ZNF732: variants seen among roughly 807,000 people sequenced by gnomAD.
ZNF732 encodes zinc finger protein LOC654254.
ZNF732 carries 12 observed loss-of-function variants against 11.5 expected under a neutral mutation model. The ratio of observed to expected loss-of-function variants is 1.05; its 90% CI spans 0.67 to 1.70. The LOEUF is 1.70. ZNF732 is among the 40% of genes most tolerant of loss of function. ZNF732 has a pLI of 0.00. For synonymous variants in ZNF732, 231 were observed against 236.5 expected (o/e 0.98, Z 0.21); for missense variants, 702 against 676.9 (o/e 1.04, Z -0.41).
chr4:295,079 G>C (rs557498581), intron 3 of ZNF732, among the ~76,000 whole-genome samples: 2 of 151,958 alleles, frequency 1.3e-5, no homozygotes, highest in Non-Finnish European at 2.9e-5. Context: ...TTTTAGACAT[G>C]TACAAAAAGA....
At chr4:295,322 T>G in intron 3 of ZNF732, 116 bp downstream of exon 3, 1 of 782,734 alleles carries the variant, frequency 1.3e-6, no homozygotes, top group East Asian at 2.8e-5. Context: ...AAATGCAGCC[T>G]TTTCAGAAAT....
At chr4:293,487 C>A (rs1300336160) in intron 3 of ZNF732, among the ~76,000 whole-genome samples, 1 of 151,834 alleles carries the variant, frequency 6.6e-6, no homozygotes, top group Admixed American at 6.6e-5. Flanking sequence ...AAAATGTCAA[C>A]TCATAAAAGC....
intron 1 of ZNF732, among the ~76,000 whole-genome samples, chr4:303,906 G>A (rs1720171816): frequency 1.3e-5 from 2 of 152,190 alleles, no homozygotes; most frequent in South Asian, 4.1e-4. Flanking sequence ...GACAGGGCAG[G>A]ACTGACTAAA....
At chr4:297,275 A>C (rs1581546620) in intron 1 of ZNF732, among the ~76,000 whole-genome samples, 1 of 150,180 alleles carries the variant, frequency 6.7e-6, no homozygotes, top group Non-Finnish European at 1.5e-5. Flanking sequence ...AAAAAAAAAA[A>C]AAACAACAAA....
chr4:271,056 G>C lies in ZNF732; in HGVS notation c.*43C>G. 2 of 1,404,622 alleles carry C rather than the reference G, an allele frequency of 1.4e-6. No homozygotes were observed. Among genetic ancestry groups the C allele is most frequent in the Non-Finnish European group, 9.6e-7 (1 of 1,045,736 alleles). The allele number at this position is 1,404,622 out of a possible 1,614,324, so 87.0% of individuals were successfully genotyped here. ...GTATAAATTTTCTTATGTTCATTCA[G>C]GTTTGTGGATCATCCAAAGGCTTTG... On this transcript the variant is annotated 3_prime_UTR_variant, in exon 4 of 4. Coordinates refer to ENST00000419098, the MANE Select transcript of ZNF732 (RefSeq NM_001137608.3).
At chr4:277,779 C>T (rs1719529489) in intron 3 of ZNF732, among the ~76,000 whole-genome samples, 1 of 151,292 alleles carries the variant, frequency 6.6e-6, no homozygotes, top group African/African-American at 2.4e-5. Flanking sequence ...CATGAACTAC[C>T]ACACACACAC....
intron 1 of ZNF732, among the ~76,000 whole-genome samples, chr4:299,366 T>C (rs1056162503): frequency 6.8e-5 from 7 of 102,780 alleles, no homozygotes; most frequent in Admixed American, 3.6e-4. Flanking sequence ...TATATACACA[T>C]ATGTGTATAT....
chr4:299,886 TAG>T (rs1278442433), intron 1 of ZNF732, among the ~76,000 whole-genome samples: 3 of 141,296 alleles, frequency 2.1e-5, no homozygotes, highest in Non-Finnish European at 4.6e-5. Context: ...TTTTTTTAAG[TAG>T]AGACGGGGTT....
At chr4:292,548 ACT>A (rs1719859791) in intron 3 of ZNF732, among the ~76,000 whole-genome samples, 1 of 140,656 alleles carries the variant, frequency 7.1e-6, no homozygotes, top group East Asian at 2.0e-4. Flanking sequence ...CAAGAGCAAA[ACT>A]CTGTCTCAAA....
chr4:288,270 TTAAG>T (rs1719772199), intron 3 of ZNF732, among the ~76,000 whole-genome samples: 1 of 152,234 alleles, frequency 6.6e-6, no homozygotes, highest in African/African-American at 2.4e-5. Context: ...TTCTGTGGTT[TTAAG>T]TTTGTTGCTC....
rs1719356488 is a variant in ZNF732 at position 271,426 on chromosome 4, T to C, written c.1431A>G (p.Glu477=). 1.9e-6 allele frequency: 3 copies of C among 1,603,122 alleles called. No homozygotes were observed. Among genetic ancestry groups the C allele is most frequent in the Non-Finnish European group, 2.6e-6 (3 of 1,174,492 alleles). ...IHTGEKPYRC[E]ECGKAFLCSR... ...AACATAAAAAGGCTTTGCCACACTC[T>C]TCACATCTATAAGGTTTCTCTCCAG... The change falls in exon 4 of 4, where the codon GAA becomes GAG. Residue 477 remains glutamate (E), a synonymous_variant. Coordinates refer to ENST00000419098, the MANE Select transcript of ZNF732 (RefSeq NM_001137608.3).
At chr4:277,231 G>A (rs1262864287) in intron 3 of ZNF732, among the ~76,000 whole-genome samples, 1 of 151,914 alleles carries the variant, frequency 6.6e-6, no homozygotes, top group East Asian at 1.9e-4. Context: ...ACATAGTACA[G>A]AGAAAAGAAT....
intron 3 of ZNF732, among the ~76,000 whole-genome samples, chr4:276,090 CAAATCACA>C (rs1719489326): frequency 6.6e-6 from 1 of 151,532 alleles, no homozygotes; most frequent in African/African-American, 2.4e-5. Flanking sequence ...AAATTATCTT[CAAATCACA>C]AAAGTGTTAC....
chr4:275,155 CA>C (rs1294213743), intron 3 of ZNF732, among the ~76,000 whole-genome samples: 3 of 150,968 alleles, frequency 2.0e-5, no homozygotes, highest in East Asian at 1.9e-4. Flanking sequence ...TGTCAGGGCA[CA>C]AAAAAAGTCT....
chr4:305,113 T>A (rs561611652), intron 1 of ZNF732, among the ~76,000 whole-genome samples, 195 bp downstream of exon 1: 10 of 152,084 alleles, frequency 6.6e-5, no homozygotes, highest in African/African-American at 9.7e-5. Context: ...GCTGCACAAG[T>A]AGGGCTGCAG....
At chr4:301,139 G>A (rs1720109557) in intron 1 of ZNF732, among the ~76,000 whole-genome samples, 1 of 152,188 alleles carries the variant, frequency 6.6e-6, no homozygotes, top group South Asian at 2.1e-4. Context: ...CTGGCCATCA[G>A]AGAAAATGCA....
At chr4:305,169 C>G in intron 1 of ZNF732, 139 bp downstream of exon 1, 1 of 1,214,648 alleles carries the variant, frequency 8.2e-7, no homozygotes, top group Non-Finnish European at 1.1e-6. Flanking sequence ...ACCCGGGTCC[C>G]TCACCGGAAG....
At chr4:304,593 G>T (rs1048239873) in intron 1 of ZNF732, among the ~76,000 whole-genome samples, 3 of 151,910 alleles carry the variant, frequency 2.0e-5, no homozygotes, top group African/African-American at 7.3e-5. Flanking sequence ...GGCAGTCCCT[G>T]CCTCTGGACA....
At chr4:290,431 T>C (rs1719823220) in intron 3 of ZNF732, among the ~76,000 whole-genome samples, 2 of 152,254 alleles carry the variant, frequency 1.3e-5, no homozygotes, top group Non-Finnish European at 2.9e-5. Flanking sequence ...GCAATGGCCC[T>C]GGAGGCAGGC....
Sources: gnomAD v4.1 joint callset for allele counts (sites outside exome capture counted in the v4.1 genomes callset) on GRCh38, gnomAD v4.1.1 for gene constraint, MANE v1.5 for transcripts, NCBI Gene and HGNC (gene_info 2026-07-23, HGNC 2026-07-21) for gene names.